ADAMTSL1: variants seen among roughly 807,000 people sequenced by gnomAD.
ADAMTSL1 encodes ADAMTS-like protein 1.
In ADAMTSL1, 126 loss-of-function variants were observed where a neutral mutation model predicts 201.8. That is an observed-to-expected ratio of 0.62 (90% CI 0.54 to 0.72). ADAMTSL1 has a LOEUF of 0.72. Among genes scored for constraint, ADAMTSL1 ranks in the 30% least tolerant of loss-of-function variants. The pLI, the probability that ADAMTSL1 is intolerant of heterozygous loss-of-function variation, is 0.00. For synonymous variants in ADAMTSL1, 1,121 were observed against 903.4 expected, an observed-to-expected ratio of 1.24 and a Z score of -4.32; for missense variants, 2,679 against 2,277.8, an observed-to-expected ratio of 1.18 and a Z score of -3.59.
chr9:18,650,217 G>A (rs572965163), intron 7 of ADAMTSL1, among the ~76,000 whole-genome samples: 4 of 152,300 alleles, frequency 2.6e-5, no homozygotes, highest in African/African-American at 9.6e-5. Context: ...ATAATCTCCT[G>A]GTGTGCCGTT....
chr9:18,528,138 A>T (rs1332758524), intron 2 of ADAMTSL1, among the ~76,000 whole-genome samples: 1 of 152,178 alleles, frequency 6.6e-6, no homozygotes, highest in African/African-American at 2.4e-5. Flanking sequence ...TTGGCCGCCC[A>T]AAGTGCTGGG....
intron 1 of ADAMTSL1, among the ~76,000 whole-genome samples, chr9:18,054,713 G>A (rs1822096446): frequency 6.6e-6 from 1 of 152,068 alleles, no homozygotes; most frequent in African/African-American, 2.4e-5. Flanking sequence ...AAAGAGTTGG[G>A]GTTACATGTA....
chr9:18,099,326 A>AAATATATATATAT (rs1824387898), intron 1 of ADAMTSL1, among the ~76,000 whole-genome samples: 1 of 57,602 alleles, frequency 1.7e-5, no homozygotes, highest in Admixed American at 2.2e-4. Context: ...GCAAATGGAA[A>AAATATATATATAT]ATATATATAT....
At chr9:18,213,035 A>G (rs1243787083) in intron 2 of ADAMTSL1, among the ~76,000 whole-genome samples, 6 of 152,180 alleles carry the variant, frequency 3.9e-5, no homozygotes, top group Admixed American at 2.0e-4. Context: ...TTGAACATCA[A>G]CTCAGCCTGA....
At chr9:17,988,554 TTTC>T (rs1819016410) in intron 1 of ADAMTSL1, among the ~76,000 whole-genome samples, 1 of 151,452 alleles carries the variant, frequency 6.6e-6, no homozygotes, top group South Asian at 2.1e-4. Context: ...ATTGTTCTTT[TTTC>T]TTTTCTTTTT....
chr9:18,354,069 A>G (rs1836100133), intron 2 of ADAMTSL1, among the ~76,000 whole-genome samples: 1 of 145,374 alleles, frequency 6.9e-6, no homozygotes, highest in African/African-American at 2.5e-5. Flanking sequence ...ATATATATAT[A>G]CCTATAAATT....
At chr9:18,313,616 A>G (rs893981818) in intron 2 of ADAMTSL1, among the ~76,000 whole-genome samples, 11 of 152,182 alleles carry the variant, frequency 7.2e-5, no homozygotes, top group African/African-American at 2.2e-4. Context: ...ATCTACATGC[A>G]AAAGAATAAA....
At chr9:17,913,473 T>A (rs1277353189) in intron 1 of ADAMTSL1, among the ~76,000 whole-genome samples, 2 of 152,128 alleles carry the variant, frequency 1.3e-5, no homozygotes, top group Non-Finnish European at 2.9e-5. Flanking sequence ...GAATGGGAGT[T>A]CACTCATGAG....
intron 2 of ADAMTSL1, among the ~76,000 whole-genome samples, chr9:18,244,960 C>T (rs561099283): frequency 1.3e-5 from 2 of 152,226 alleles, no homozygotes; most frequent in African/African-American, 4.8e-5. Context: ...TTGAACTGTC[C>T]CAAACAACTA....
intron 2 of ADAMTSL1, among the ~76,000 whole-genome samples, chr9:18,420,690 A>G (rs541599763): frequency 2.6e-5 from 4 of 152,276 alleles, no homozygotes; most frequent in African/African-American, 4.8e-5. Context: ...GAGAGGGAGG[A>G]TGTTGCATTC....
intron 2 of ADAMTSL1, among the ~76,000 whole-genome samples, chr9:18,453,805 C>T (rs1422785222): frequency 6.6e-6 from 1 of 152,130 alleles, no homozygotes; most frequent in African/African-American, 2.4e-5. Context: ...ACAGTTCATT[C>T]CATGAACTAT....
At chr9:18,031,008 A>G (rs1451829672) in intron 1 of ADAMTSL1, among the ~76,000 whole-genome samples, 1 of 152,148 alleles carries the variant, frequency 6.6e-6, no homozygotes, top group Non-Finnish European at 1.5e-5. Context: ...TTTCAACTCC[A>G]GAAGTCCACT....
chr9:18,539,682 A>G (rs1820007898), intron 3 of ADAMTSL1, among the ~76,000 whole-genome samples: 1 of 152,230 alleles, frequency 6.6e-6, no homozygotes, highest in Non-Finnish European at 1.5e-5. Flanking sequence ...ATAGGAAACA[A>G]GAATGAGGAT....
chr9:18,739,984 C>T (rs1288161422), intron 15 of ADAMTSL1, among the ~76,000 whole-genome samples: 2 of 151,996 alleles, frequency 1.3e-5, no homozygotes, highest in Middle Eastern at 3.4e-3. Flanking sequence ...CTAGCTGCTT[C>T]GTCTCCTGTC....
chr9:18,376,488 A>G (rs1304071783), intron 2 of ADAMTSL1, among the ~76,000 whole-genome samples: 2 of 152,154 alleles, frequency 1.3e-5, no homozygotes, highest in Non-Finnish European at 2.9e-5. Flanking sequence ...CACCTTCAAC[A>G]CAGAAAGCAG....
At chr9:17,949,362 G>A (rs1234240722) in intron 1 of ADAMTSL1, among the ~76,000 whole-genome samples, 1 of 151,748 alleles carries the variant, frequency 6.6e-6, no homozygotes, top group Non-Finnish European at 1.5e-5. Context: ...TTGCCCAGAA[G>A]GTACTGAAGG....
rs992116637 is a variant in ADAMTSL1 at position 18,714,702 on chromosome 9, T to G, written c.1877-6834T>G. On this transcript the variant is annotated intron_variant, in intron 14 of 28. Coordinates refer to ENST00000380548, the MANE Select transcript of ADAMTSL1 (RefSeq NM_001040272.6). ...GAACTGGTACCATTCCTTCTGAAAC[T>G]ATTCCAATCAATAGAAAAAGAGGGA... 2.0e-5 allele frequency among the ~76,000 whole-genome samples: 3 copies of G among 151,924 alleles called. No individual in the cohort carries two copies. The South Asian group carries it at 6.2e-4, about 32-fold the overall frequency.
intron 1 of ADAMTSL1, among the ~76,000 whole-genome samples, chr9:18,142,192 A>C (rs1409409947): frequency 6.6e-6 from 1 of 152,204 alleles, no homozygotes; most frequent in African/African-American, 2.4e-5. Flanking sequence ...ATCAAGTTAC[A>C]GAATGAGTCT....
intron 23 of ADAMTSL1, among the ~76,000 whole-genome samples, chr9:18,886,186 A>ATG (rs1828863891): frequency 7.7e-6 from 1 of 129,760 alleles, no homozygotes; most frequent in African/African-American, 3.0e-5. Flanking sequence ...ATATATATAT[A>ATG]TATATATATA....
Sources: gnomAD v4.1 joint callset for allele counts (sites outside exome capture counted in the v4.1 genomes callset) on GRCh38, gnomAD v4.1.1 for gene constraint, MANE v1.5 for transcripts, NCBI Gene and HGNC (gene_info 2026-07-23, HGNC 2026-07-21) for gene names.